SMOC1: variants seen among roughly 807,000 people sequenced by gnomAD.
SMOC1 encodes SPARC-related modular calcium-binding protein 1.
Under a neutral mutation model 56.3 loss-of-function variants are expected in SMOC1, and 22 were observed. The observed-to-expected ratio is 0.39, with a 90% confidence interval of 0.28 to 0.56. The LOEUF (loss-of-function observed/expected upper bound fraction) is 0.56. SMOC1 is among the 20% of genes least tolerant of loss of function. The pLI, the probability that SMOC1 is intolerant of heterozygous loss-of-function variation, is 0.61. For missense variants in SMOC1, 509 were observed against 565.4 expected, an observed-to-expected ratio of 0.90 and a Z score of 1.01; for synonymous variants, 193 against 215.0, an observed-to-expected ratio of 0.90 and a Z score of 0.89.
At position 69,895,867 on chromosome 14, in the gene SMOC1, CTTTTTTTTT is replaced by C. The variant is rs71448303; in HGVS notation, c.99+16097_99+16105del. Among the ~76,000 whole-genome samples the C allele has an allele frequency of 2.4e-3, 293 of 122,868 alleles. 3 individuals carry two copies. The highest frequency in any genetic ancestry group is 8.2e-3 in the African/African-American group (285 of 34,708). The allele number at this position is 122,868 out of a possible 152,430, so 80.6% of individuals were successfully genotyped here. A position where few individuals can be genotyped will look rare whatever the true frequency, so the allele number is the denominator to read the frequency against. On this transcript the variant is annotated intron_variant, in intron 1 of 11. Coordinates refer to ENST00000361956, the MANE Select transcript of SMOC1 (RefSeq NM_001034852.3). ...TTTTTTTCCTTCCTTCTCTTTTTTTCTTTTTTTTTTTTTTTGAGACAGGGTCTTGTTCTG... is the reference window on the plus strand; with the variant it reads ...TTTTTTTCCTTCCTTCTCTTTTTTTCTTTTTTGAGACAGGGTCTTGTTCTG...
At chr14:69,934,245 G>T (rs771515068) in intron 1 of SMOC1, among the ~76,000 whole-genome samples, 1 of 152,130 alleles carries the variant, frequency 6.6e-6, no homozygotes, top group Non-Finnish European at 1.5e-5. Flanking sequence ...CCCGTTGAAG[G>T]CTCACATCTC....
intron 3 of SMOC1, among the ~76,000 whole-genome samples, chr14:69,965,329 C>T (rs768112921): frequency 1.1e-4 from 17 of 151,584 alleles, no homozygotes; most frequent in African/African-American, 3.6e-4. Flanking sequence ...TGCAGTGAGC[C>T]GAGTTGGCGC....
intron 3 of SMOC1, among the ~76,000 whole-genome samples, chr14:69,966,975 C>T (rs1883599937): frequency 6.6e-6 from 1 of 152,168 alleles, no homozygotes. Flanking sequence ...GTCTAATTTG[C>T]CAAGGCCCTT....
intron 3 of SMOC1, among the ~76,000 whole-genome samples, chr14:69,964,499 T>C (rs917493371): frequency 2.6e-5 from 4 of 151,542 alleles, no homozygotes; most frequent in African/African-American, 9.7e-5. Flanking sequence ...TGCCTCAGCC[T>C]CCCAAGTAGC....
chr14:70,020,351 G>A (rs149896381), intron 10 of SMOC1, among the ~76,000 whole-genome samples: 72 of 152,254 alleles, frequency 4.7e-4, no homozygotes, highest in African/African-American at 1.7e-3. Flanking sequence ...AGTTTGGCCT[G>A]GCCAAAGTGT....
Position 69,981,030 on chromosome 14 carries a change from C to G in SMOC1, c.526+3065C>G, listed in dbSNP as rs1884161481. Among the ~76,000 whole-genome samples the G allele has an allele frequency of 2.6e-5, 4 of 152,096 alleles. No individual in the cohort carries two copies. The South Asian group carries it at 8.3e-4, about 32-fold the overall frequency. ...TGACCACGGAGAGTCTGGTCGCCAG[C>G]CAGGAATTAGTTCTCTGAAGGAGAG... On this transcript the variant is annotated intron_variant, in intron 5 of 11. Coordinates refer to ENST00000361956, the MANE Select transcript of SMOC1 (RefSeq NM_001034852.3).
chr14:69,932,427 GC>G (rs1885191265), intron 1 of SMOC1, among the ~76,000 whole-genome samples: 1 of 152,230 alleles, frequency 6.6e-6, no homozygotes, highest in African/African-American at 2.4e-5. Flanking sequence ...TGTCCCTGGG[GC>G]TGGGGGTGTG....
At chr14:69,914,686 A>G (rs1050877179) in intron 1 of SMOC1, among the ~76,000 whole-genome samples, 1 of 152,156 alleles carries the variant, frequency 6.6e-6, no homozygotes, top group South Asian at 2.1e-4. Context: ...TCCCTCTCTA[A>G]GTCTTACCTG....
rs1886105442 is a variant in SMOC1 at position 70,030,493 on chromosome 14, C to G, written c.*235C>G. On this transcript the variant is annotated 3_prime_UTR_variant, in exon 12 of 12. Transcript: ENST00000361956. Reference sequence around the variant, plus strand: ...AAAGGGAAGAAAGACTTTATTCTCTCTCTTATTGTAAGTTTTTGGATCTGC... The same window carrying G: ...AAAGGGAAGAAAGACTTTATTCTCTGTCTTATTGTAAGTTTTTGGATCTGC... 3.1e-6 allele frequency: 1 copy of G among 318,128 alleles called. No individual in the cohort carries two copies. The allele number at this position is 318,128 out of a possible 1,614,324, so 19.7% of individuals were successfully genotyped here.
chr14:69,954,907 C>T (rs552154298), intron 3 of SMOC1, among the ~76,000 whole-genome samples: 1 of 152,264 alleles, frequency 6.6e-6, no homozygotes, highest in Admixed American at 6.5e-5. Flanking sequence ...TGATTTGAGA[C>T]TAACTTTCTG....
At chr14:69,999,999 G>A (rs2041139012) in intron 7 of SMOC1, among the ~76,000 whole-genome samples, 2 of 152,152 alleles carry the variant, frequency 1.3e-5, no homozygotes, top group Non-Finnish European at 2.9e-5. Context: ...AAAACTACGT[G>A]CCCTGGTATT....
At chr14:69,968,115 C>T (rs1466094252) in intron 3 of SMOC1, among the ~76,000 whole-genome samples, 1 of 152,222 alleles carries the variant, frequency 6.6e-6, no homozygotes, top group African/African-American at 2.4e-5. Flanking sequence ...AATAGGGTCA[C>T]AAGGCCCCTT....
chr14:69,879,829 T>TC (rs1481814880), intron 1 of SMOC1, 52 bp downstream of exon 1: 1 of 1,444,358 alleles, frequency 6.9e-7, no homozygotes. Flanking sequence ...GGAGGTTGCT[T>TC]CCCCCCTCAT....
At chr14:69,886,211 T>C in intron 1 of SMOC1, 2 of 755,016 alleles carry the variant, frequency 2.6e-6, no homozygotes, top group Non-Finnish European at 4.5e-6. Context: ...CTAACTTGTA[T>C]TAATCCTCCT....
intron 5 of SMOC1, among the ~76,000 whole-genome samples, chr14:69,982,454 T>C (rs543573979): frequency 6.6e-6 from 1 of 152,208 alleles, no homozygotes; most frequent in Non-Finnish European, 1.5e-5. Context: ...TTGGAGACCT[T>C]GTCACTCAAG....
chr14:69,956,605 A>C (rs866904903), intron 3 of SMOC1, among the ~76,000 whole-genome samples: 6 of 151,846 alleles, frequency 4.0e-5, no homozygotes, highest in Admixed American at 6.6e-5. Flanking sequence ...TTATGGGGGG[A>C]GTGATGGCAC....
At chr14:70,024,692 G>T (rs1461824631) in intron 11 of SMOC1, among the ~76,000 whole-genome samples, 3 of 152,156 alleles carry the variant, frequency 2.0e-5, no homozygotes, top group Admixed American at 6.5e-5. Flanking sequence ...TGACTGAAAT[G>T]AATATTTTAA....
At chr14:69,953,298 G>GA (rs1883070805) in intron 2 of SMOC1, 122 bp from the exon 3 acceptor site, 1 of 862,644 alleles carries the variant, frequency 1.2e-6, no homozygotes, top group African/African-American at 1.6e-5. Flanking sequence ...TTTAGGGTTG[G>GA]ACAAGCCAGT....
intron 1 of SMOC1, among the ~76,000 whole-genome samples, chr14:69,898,024 A>G (rs1312156604): frequency 6.6e-6 from 1 of 151,974 alleles, no homozygotes; most frequent in African/African-American, 2.4e-5. Context: ...TTTCTCTATC[A>G]CTTTTAAAGG....
Sources: allele counts gnomAD v4.1 joint callset (sites outside exome capture counted in the v4.1 genomes callset), GRCh38; gene constraint gnomAD v4.1.1; transcripts MANE v1.5; gene names NCBI Gene and HGNC (gene_info 2026-07-23, HGNC 2026-07-21).